The following ZMAT3 variants were observed in gnomAD, a reference collection of about 807,000 sequenced individuals.
The protein encoded by ZMAT3 is zinc finger matrin-type 3.
ZMAT3 carries 17 observed loss-of-function variants against 32.3 expected under a neutral mutation model. The observed-to-expected ratio is 0.53, with a 90% CI of 0.36 to 0.79. The LOEUF is 0.79. Among genes scored for constraint, ZMAT3 ranks in the 30% least tolerant of loss-of-function variants. The probability of loss-of-function intolerance (pLI) is 0.00; values close to 1 mark genes in which losing one functional copy is unlikely to be tolerated. For missense variants in ZMAT3, 329 were observed against 359.7 expected (o/e 0.91, Z 0.69); for synonymous variants, 120 against 133.1 (o/e 0.90, Z 0.68).
chr3:179,036,980 G>A (rs185222591), intron 2 of ZMAT3, among the ~76,000 whole-genome samples: 207 of 152,212 alleles, frequency 1.4e-3, no homozygotes, highest in Non-Finnish European at 1.6e-3. Flanking sequence ...AAAAATCCCA[G>A]ACTCAACCCC....
At chr3:179,032,361 C>T (rs1719301131) in intron 2 of ZMAT3, among the ~76,000 whole-genome samples, 1 of 152,004 alleles carries the variant, frequency 6.6e-6, no homozygotes, top group Non-Finnish European at 1.5e-5. Context: ...ACAACCTCCA[C>T]CTCCCAGCCG....
intron 2 of ZMAT3, among the ~76,000 whole-genome samples, chr3:179,049,007 T>C (rs1720398260): frequency 6.6e-6 from 1 of 152,074 alleles, no homozygotes; most frequent in African/African-American, 2.4e-5. Context: ...ACAACAAAAG[T>C]GAGCAGGAGT....
At position 179,030,941 on chromosome 3, in the gene ZMAT3, G is replaced by C; in HGVS notation, c.329C>G (p.Pro110Arg). The C allele has an allele frequency of 2.5e-6, 4 of 1,613,912 alleles. 1 individual carries two copies. The highest frequency in any genetic ancestry group is 2.2e-5 in the South Asian group (2 of 90,992). The change falls in exon 3 of 6, where the codon CCT (proline) becomes CGT (arginine). Residue 110 changes from proline (P) to arginine (R), a missense_variant. Transcript: ENST00000311417. ...CTCGACCACATTGCTCATTCTAGCA[G>C]GAGGAGGACAGCTATTTGCTGCATA... ...NYYAANSCPP[P>R]ARMSNVVEPA...
At chr3:179,055,474 G>A (rs943300188) in intron 2 of ZMAT3, among the ~76,000 whole-genome samples, 11 of 149,624 alleles carry the variant, frequency 7.4e-5, no homozygotes, top group South Asian at 2.1e-4. Context: ...CTACCCCAGC[G>A]TCCCCTCCCC....
chr3:179,027,382 G>A, intron 5 of ZMAT3, 41 bp downstream of exon 5: 2 of 1,554,676 alleles, frequency 1.3e-6, no homozygotes, highest in Non-Finnish European at 1.8e-6. Flanking sequence ...AGGAGACTAG[G>A]TACAGAATGT....
chr3:179,032,175 G>A (rs1335569014), intron 2 of ZMAT3, among the ~76,000 whole-genome samples: 6 of 151,398 alleles, frequency 4.0e-5, no homozygotes, highest in South Asian at 2.1e-4. Context: ...ACTGGTTTTC[G>A]TATTTTCTGG....
intron 2 of ZMAT3, among the ~76,000 whole-genome samples, chr3:179,063,318 A>T (rs116620426): frequency 0.011 from 1,604 of 152,334 alleles, 29 homozygotes; most frequent in African/African-American, 0.037. Context: ...CAGTGCTTTA[A>T]ATTTTGGGAA....
intron 2 of ZMAT3, among the ~76,000 whole-genome samples, chr3:179,059,980 C>CA (rs1461805551): frequency 6.6e-6 from 1 of 152,092 alleles, no homozygotes; most frequent in Non-Finnish European, 1.5e-5. Flanking sequence ...TTAGGCAAAA[C>CA]AGGAGGTGAA....
chr3:179,033,037 G>T (rs953356683), intron 2 of ZMAT3, among the ~76,000 whole-genome samples: 1 of 152,232 alleles, frequency 6.6e-6, no homozygotes, highest in Non-Finnish European at 1.5e-5. Flanking sequence ...CGGTTTTGTC[G>T]AATAGAAAAG....
Position 179,027,515 on chromosome 3 carries a change from G to A in ZMAT3, c.566C>T (p.Ser189Leu). 1 of 1,614,194 alleles carries A rather than the reference G, an allele frequency of 6.2e-7. No individual in the cohort carries two copies. Among genetic ancestry groups the A allele is most frequent in the Admixed American group, 1.7e-5 (1 of 60,024 alleles). ...CCTGGCCCGCCGTTGACCCAGCTCT[G>A]AGGATTCCCTGGAGAAAAGAAGTTT... ...EAQSNSFSES[S>L]ELGQRRARKE... is the part of the protein sequence containing the mutation. The change falls in exon 5 of 6, where the codon TCA becomes TTA. Residue 189 changes from serine to leucine, a missense_variant. Coordinates refer to ENST00000311417, the MANE Select transcript of ZMAT3 (RefSeq NM_022470.4).
intron 2 of ZMAT3, among the ~76,000 whole-genome samples, chr3:179,043,650 C>A (rs927201107): frequency 1.1e-4 from 17 of 152,128 alleles, no homozygotes; most frequent in African/African-American, 3.6e-4. Context: ...TACCATTCAG[C>A]ACATAGGCAT....
At chr3:179,052,389 A>G (rs1020457179) in intron 2 of ZMAT3, among the ~76,000 whole-genome samples, 5 of 152,252 alleles carry the variant, frequency 3.3e-5, no homozygotes, top group African/African-American at 1.2e-4. Context: ...AAACATATGA[A>G]AAAAATGCTC....
rs201950989 is a variant in ZMAT3 at position 179,027,734 on chromosome 3, T to G, written c.469A>C (p.Ser157Arg). ...TGAGCCTGAGCCACAGCTGGGGAAC[T>G]GAAGGAGGCATCACAGAGCTTACAG... ...DYCKLCDASFSSPAVAQAHYQ... is the reference protein window; with the variant it reads ...DYCKLCDASFRSPAVAQAHYQ... The change falls in exon 4 of 6, where the codon AGT becomes CGT. Residue 157 changes from serine to arginine, a missense_variant. Coordinates refer to ENST00000311417, the MANE Select transcript of ZMAT3 (RefSeq NM_022470.4). 6.9e-5 allele frequency: 112 copies of G among 1,614,066 alleles called. No individual in the cohort carries two copies.
chr3:179,051,808 T>C (rs986064108), intron 2 of ZMAT3, among the ~76,000 whole-genome samples: 7 of 152,142 alleles, frequency 4.6e-5, no homozygotes, highest in Non-Finnish European at 8.8e-5. Flanking sequence ...CAAAACAGCA[T>C]GGTACTGGTA....
intron 2 of ZMAT3, among the ~76,000 whole-genome samples, chr3:179,031,624 T>C (rs531454025): frequency 6.6e-6 from 1 of 152,174 alleles, no homozygotes; most frequent in Admixed American, 6.5e-5. Flanking sequence ...AAGTATCACA[T>C]TGGCTGGGTG....
intron 3 of ZMAT3, 129 bp downstream of exon 3, chr3:179,030,751 A>G: frequency 7.2e-7 from 1 of 1,387,496 alleles, no homozygotes; most frequent in Non-Finnish European, 9.6e-7. Flanking sequence ...AGTACCAAGC[A>G]GCATCTTTCA....
intron 2 of ZMAT3, among the ~76,000 whole-genome samples, chr3:179,056,845 G>C (rs1365538014): frequency 6.6e-6 from 1 of 152,138 alleles, no homozygotes; most frequent in African/African-American, 2.4e-5. Flanking sequence ...CTTTTCACAT[G>C]CTTTTCTAAT....
intron 2 of ZMAT3, among the ~76,000 whole-genome samples, chr3:179,067,273 G>A (rs1245682172): frequency 6.6e-6 from 1 of 151,814 alleles, no homozygotes; most frequent in African/African-American, 2.4e-5. Flanking sequence ...ACACAGCTTA[G>A]TGTAACAGGT....
rs774816930 is a variant in ZMAT3, at chr3:179,025,187, G to A, written c.700C>T (p.Arg234Cys). 6.2e-6 allele frequency: 10 copies of A among 1,614,210 alleles called. No individual in the cohort carries two copies. Among genetic ancestry groups the A allele is most frequent in the South Asian group, 2.2e-5 (2 of 91,084 alleles). The change falls in exon 6 of 6, where the codon CGT becomes TGT. Residue 234 changes from arginine (R) to cysteine (C), a missense_variant. Physicochemically the swap from Arg to Cys is radical, Grantham distance 180. Transcript: ENST00000311417. ...FNPRSRQRIP[R>C]DLAMCVTPSG... ...GGAGTAACACACATGGCCAGATCAC[G>A]TGGAATTCTCTGCCGAGAGCGGGGA...
Sources: gnomAD v4.1 joint callset for allele counts (sites outside exome capture counted in the v4.1 genomes callset) on GRCh38, gnomAD v4.1.1 for gene constraint, MANE v1.5 for transcripts, NCBI Gene and HGNC (gene_info 2026-07-23, HGNC 2026-07-21) for gene names.